GPC6: variants seen among roughly 807,000 people sequenced by gnomAD.
GPC6 encodes glypican 6.
Under a neutral mutation model 55.2 loss-of-function variants are expected in GPC6, and 14 were observed. The observed-to-expected ratio is 0.25, with a 90% confidence interval of 0.17 to 0.40. The LOEUF (loss-of-function observed/expected upper bound fraction) is 0.40, where lower values mean the gene tolerates loss of function less well. Among genes scored for constraint, GPC6 ranks in the 10% least tolerant of loss-of-function variants. The pLI is 1.00. For missense variants in GPC6, 641 were observed against 708.5 expected (o/e 0.90, Z 1.08); for synonymous variants, 278 against 259.6 (o/e 1.07, Z -0.68).
intron 4 of GPC6, among the ~76,000 whole-genome samples, chr13:94,207,088 A>G (rs974268544): frequency 6.6e-6 from 1 of 151,992 alleles, no homozygotes; most frequent in Non-Finnish European, 1.5e-5. Flanking sequence ...CACTGAACTT[A>G]CCCTATCTTG....
chr13:93,228,104 C>G (rs1338702619), intron 1 of GPC6, among the ~76,000 whole-genome samples: 2 of 152,132 alleles, frequency 1.3e-5, no homozygotes, highest in Non-Finnish European at 2.9e-5. Context: ...CGGAGGGCTC[C>G]CCCAGCCCCT....
intron 4 of GPC6, among the ~76,000 whole-genome samples, chr13:94,203,061 TA>T (rs1233515723): frequency 6.6e-6 from 1 of 151,974 alleles, no homozygotes; most frequent in Admixed American, 6.6e-5. Flanking sequence ...AGTGATAGAT[TA>T]AAAAGGTTTT....
At chr13:94,299,296 A>G (rs372138281) in intron 5 of GPC6, among the ~76,000 whole-genome samples, 2 of 152,232 alleles carry the variant, frequency 1.3e-5, no homozygotes, top group East Asian at 3.8e-4. Context: ...ATATCATTCT[A>G]TCTTCCCAAC....
At chr13:93,322,435 T>C (rs1299307712) in intron 1 of GPC6, among the ~76,000 whole-genome samples, 20 of 106,648 alleles carry the variant, frequency 1.9e-4, no homozygotes, top group African/African-American at 6.3e-4. Flanking sequence ...TTTCTTCTTT[T>C]TTTTTTTTTT....
chr13:94,382,292 T>C, intron 6 of GPC6, 122 bp from the exon 7 acceptor site: 2 of 1,022,914 alleles, frequency 2.0e-6, no homozygotes, highest in African/African-American at 1.6e-5. Flanking sequence ...CTCTTAAAAC[T>C]GTTAAAGAGT....
chr13:93,670,012 G>A (rs181961160), intron 2 of GPC6, among the ~76,000 whole-genome samples: 8 of 152,240 alleles, frequency 5.3e-5, no homozygotes, highest in Admixed American at 1.3e-4. Context: ...AGCTTCAGTC[G>A]CTTGAGTACT....
intron 2 of GPC6, among the ~76,000 whole-genome samples, chr13:93,675,095 G>T (rs1881533585): frequency 6.6e-6 from 1 of 152,070 alleles, no homozygotes; most frequent in African/African-American, 2.4e-5. Context: ...GGTCCTAACT[G>T]TAAATGTGAG....
At chr13:94,095,459 G>A (rs891066914) in intron 4 of GPC6, among the ~76,000 whole-genome samples, 4 of 152,138 alleles carry the variant, frequency 2.6e-5, no homozygotes, top group Admixed American at 6.5e-5. Context: ...TCAACTCAAC[G>A]TATCCAAAAT....
chr13:93,422,782 A>T lies in GPC6; in HGVS notation c.161-122481A>T, dbSNP rs146650167. On this transcript the variant is annotated intron_variant, in intron 1 of 8. Coordinates refer to ENST00000377047, the MANE Select transcript of GPC6 (RefSeq NM_005708.5). ...ATTAACTGTCCAAAATATAGCTAAA[A>T]TTTTTTTAAAAGCTTCCTCAAAGGT... Among the ~76,000 whole-genome samples the T allele has an allele frequency of 4.6e-5, 7 of 152,276 alleles. No homozygotes were observed. In the East Asian group the frequency reaches 9.6e-4, roughly 21 times the overall value.
chr13:93,703,363 A>G (rs921312875), intron 2 of GPC6, among the ~76,000 whole-genome samples: 3 of 151,896 alleles, frequency 2.0e-5, no homozygotes, highest in African/African-American at 4.8e-5. Context: ...AGATCTTCAT[A>G]CCAGATATAA....
intron 4 of GPC6, among the ~76,000 whole-genome samples, chr13:94,238,805 A>T (rs1381920893): frequency 6.6e-6 from 1 of 152,078 alleles, no homozygotes; most frequent in Non-Finnish European, 1.5e-5. Context: ...AGACTAAAAC[A>T]TGCTTGTAGA....
chr13:93,588,675 C>T (rs1877320900), intron 2 of GPC6, among the ~76,000 whole-genome samples: 1 of 152,100 alleles, frequency 6.6e-6, no homozygotes, highest in Non-Finnish European at 1.5e-5. Flanking sequence ...AGGCATATCA[C>T]ATGGCCAGAG....
At chr13:93,751,862 C>A (rs9524190) in intron 2 of GPC6, among the ~76,000 whole-genome samples, 1 of 151,810 alleles carries the variant, frequency 6.6e-6, no homozygotes, top group Non-Finnish European at 1.5e-5. Context: ...ATTGGCCTAC[C>A]ACTTTTCTTT....
chr13:93,845,214 C>CA (rs1888126508), intron 3 of GPC6, among the ~76,000 whole-genome samples: 1 of 151,260 alleles, frequency 6.6e-6, no homozygotes. Context: ...TTTATGCAGC[C>CA]AAAAAACACA....
At chr13:93,253,642 A>G (rs1336394781) in intron 1 of GPC6, among the ~76,000 whole-genome samples, 1 of 152,132 alleles carries the variant, frequency 6.6e-6, no homozygotes, top group African/African-American at 2.4e-5. Context: ...CTGATACAGT[A>G]TTAATTGTTC....
chr13:94,398,526 T>A lies in GPC6; in HGVS notation c.1350T>A (p.Asp450Glu). ...ACCAGATCAACAATCCCGAGGTGGATGTGGACATCACTCGGCCTGACACTT... is the reference window on the plus strand; with the variant it reads ...ACCAGATCAACAATCCCGAGGTGGAAGTGGACATCACTCGGCCTGACACTT... ...LTNQINNPEV[D>E]VDITRPDTFI... Residue 450 changes from aspartate to glutamate, a missense_variant, in exon 8 of 9, where the codon GAT becomes GAA. Coordinates refer to ENST00000377047, the MANE Select transcript of GPC6 (RefSeq NM_005708.5). The A allele has an allele frequency of 6.2e-7, 1 of 1,613,810 alleles. No homozygotes were observed. The highest frequency in any genetic ancestry group is 8.5e-7 in the Non-Finnish European group (1 of 1,179,664).
chr13:93,959,587 A>G (rs1363527917), intron 3 of GPC6, among the ~76,000 whole-genome samples: 1 of 152,220 alleles, frequency 6.6e-6, no homozygotes, highest in Non-Finnish European at 1.5e-5. Context: ...TCTAATATTC[A>G]GAAATAAATG....
At chr13:94,035,240 A>G (rs1242574014) in intron 4 of GPC6, among the ~76,000 whole-genome samples, 4 of 152,114 alleles carry the variant, frequency 2.6e-5, no homozygotes, top group African/African-American at 4.8e-5. Flanking sequence ...AGTTCAAGCT[A>G]TGACACAGGT....
chr13:93,736,126 A>G (rs529531596), intron 2 of GPC6, among the ~76,000 whole-genome samples: 13 of 152,346 alleles, frequency 8.5e-5, no homozygotes, highest in Non-Finnish European at 1.6e-4. Context: ...CTTTGCTAAA[A>G]AAGACACATA....
Sources: gnomAD v4.1 joint callset for allele counts (sites outside exome capture counted in the v4.1 genomes callset) on GRCh38, gnomAD v4.1.1 for gene constraint, MANE v1.5 for transcripts, NCBI Gene and HGNC (gene_info 2026-07-23, HGNC 2026-07-21) for gene names.